COL14A1: variants seen among roughly 807,000 people sequenced by gnomAD.
COL14A1 encodes the protein collagen alpha-1(XIV) chain.
COL14A1 carries 136 observed loss-of-function variants against 230.3 expected under a neutral mutation model. The ratio of observed to expected loss-of-function variants is 0.59; its 90% CI spans 0.51 to 0.68. The LOEUF (loss-of-function observed/expected upper bound fraction) is 0.68. Ranked by LOEUF, COL14A1 falls within the 30% of genes least tolerant of loss-of-function variation. The probability of loss-of-function intolerance (pLI) is 0.00; values close to 1 mark genes in which losing one functional copy is unlikely to be tolerated. For missense variants in COL14A1, 1,976 were observed against 2,215.8 expected (o/e 0.89, Z 2.17); for synonymous variants, 792 against 784.1 (o/e 1.01, Z -0.17).
chr8:120,259,772 C>T (rs182655584), intron 23 of COL14A1, among the ~76,000 whole-genome samples: 21 of 152,172 alleles, frequency 1.4e-4, no homozygotes, highest in East Asian at 7.7e-4. Context: ...GGAGAGTCCC[C>T]GGAAGGTTTG....
chr8:120,286,357 C>A (rs1820202123), intron 33 of COL14A1, among the ~76,000 whole-genome samples: 1 of 152,120 alleles, frequency 6.6e-6, no homozygotes, highest in Admixed American at 6.5e-5. Flanking sequence ...TCAGCTGAAT[C>A]ATCTTAAAAT....
At chr8:120,293,056 T>C (rs1307686139) in intron 34 of COL14A1, among the ~76,000 whole-genome samples, 1 of 152,080 alleles carries the variant, frequency 6.6e-6, no homozygotes, top group Non-Finnish European at 1.5e-5. Flanking sequence ...TCCAAACTTT[T>C]TTCTCCTAAA....
At position 120,209,833 on chromosome 8, in the gene COL14A1, C is replaced by T; in HGVS notation, c.1399C>T (p.Pro467Ser). 1 of 1,613,800 alleles carries T rather than the reference C, an allele frequency of 6.2e-7. No individual in the cohort carries two copies. The highest frequency in any genetic ancestry group is 1.3e-5 in the African/African-American group (1 of 74,990). Residue 467 changes from proline (P) to serine (S), a missense_variant, in exon 12 of 48, where the codon CCT becomes TCT. Physicochemically the swap from Pro to Ser is moderately conservative, Grantham distance 74. This residue lies in a region of COL14A1 where 1,791 missense variants were observed against 2,019.5 expected (regional missense o/e 0.89). Transcript: ENST00000297848. Reference protein sequence around the residue: ...NSMRVKWDAVPGASGYLILYA... With the variant: ...NSMRVKWDAVSGASGYLILYA... ...CATGCGAGTCAAATGGGATGCAGTG[C>T]CTGGGGCCTCAGGTTACCTGATCCT...
intron 40 of COL14A1, among the ~76,000 whole-genome samples, chr8:120,320,759 C>A (rs1362976172): frequency 2.0e-5 from 3 of 152,102 alleles, no homozygotes; most frequent in Non-Finnish European, 2.9e-5. Flanking sequence ...CCCAAGAAAG[C>A]CTTTGCACAA....
At chr8:120,171,868 A>G (rs1180170327) in intron 5 of COL14A1, among the ~76,000 whole-genome samples, 1 of 152,114 alleles carries the variant, frequency 6.6e-6, no homozygotes, top group Non-Finnish European at 1.5e-5. Flanking sequence ...TAATAGTAAT[A>G]TTTTGTACCT....
chr8:120,199,113 C>A (rs1441157055), intron 7 of COL14A1, among the ~76,000 whole-genome samples: 4 of 152,132 alleles, frequency 2.6e-5, no homozygotes, highest in African/African-American at 7.2e-5. Context: ...AGGTTCAGAT[C>A]TGCTTGTACA....
Position 120,332,742 on chromosome 8 carries a change from A to T in COL14A1, c.4785+7A>T, listed in dbSNP as rs964467653. 1 of 1,610,416 alleles carries T rather than the reference A, an allele frequency of 6.2e-7. No homozygotes were observed. The highest frequency in any genetic ancestry group is 1.3e-5 in the African/African-American group (1 of 74,896). On this transcript the variant is annotated splice_region_variant and intron_variant, in intron 42 of 47. Transcript: ENST00000297848. ...AGGCGCCCTGGGACCACCTGTGAGT[A>T]TGCAGCGGTAGCTGCTCAGAATGTA...
chr8:120,284,362 T>C (rs1019689250), intron 32 of COL14A1, among the ~76,000 whole-genome samples: 2 of 152,222 alleles, frequency 1.3e-5, no homozygotes, highest in African/African-American at 4.8e-5. Flanking sequence ...GAAGAACCAA[T>C]GAAGGAAGCT....
At chr8:120,262,064 AGGGT>A (rs1238454010) in intron 23 of COL14A1, among the ~76,000 whole-genome samples, 1 of 152,154 alleles carries the variant, frequency 6.6e-6, no homozygotes, top group Non-Finnish European at 1.5e-5. Flanking sequence ...ACTGCCTAGA[AGGGT>A]GGTCTGTTGG....
chr8:120,240,824 A>G (rs1027007483), intron 19 of COL14A1, among the ~76,000 whole-genome samples: 1 of 152,196 alleles, frequency 6.6e-6, no homozygotes, highest in African/African-American at 2.4e-5. Context: ...TACATCTATC[A>G]AATACTTCTA....
At position 120,196,918 on chromosome 8, in the gene COL14A1, C is replaced by T. The variant is rs768183755; in HGVS notation, c.564C>T (p.Phe188=). ...RHFLENLVTA[F]DVGSEKTRIG... ...TCTTGGAAAACCTGGTTACAGCATT[C>T]GATGTGGGCTCAGAGAAGACACGAA... Residue 188 remains phenylalanine (F), a synonymous_variant, in exon 6 of 48, where the codon TTC becomes TTT. Coordinates refer to ENST00000297848, the MANE Select transcript of COL14A1 (RefSeq NM_021110.4). 3 of 1,613,854 alleles carry T rather than the reference C, an allele frequency of 1.9e-6. No individual in the cohort carries two copies. The highest frequency in any genetic ancestry group is 2.2e-5 in the East Asian group (1 of 44,866).
chr8:120,363,370 A>G (rs373983669), intron 45 of COL14A1, among the ~76,000 whole-genome samples: 3 of 152,258 alleles, frequency 2.0e-5, no homozygotes, highest in African/African-American at 7.2e-5. Flanking sequence ...AGTGGGAGCA[A>G]TGAGAACACA....
At chr8:120,268,673 T>G (rs1293337152) in intron 25 of COL14A1, among the ~76,000 whole-genome samples, 3 of 151,740 alleles carry the variant, frequency 2.0e-5, no homozygotes, top group Non-Finnish European at 4.4e-5. Context: ...ATACTAAATA[T>G]TTATTAAACG....
intron 14 of COL14A1, among the ~76,000 whole-genome samples, chr8:120,224,256 A>G (rs112217667): frequency 0.038 from 5,748 of 151,694 alleles, 159 homozygotes; most frequent in Middle Eastern, 0.092. Context: ...TGAACTCCCA[A>G]CCTCAAGTGA....
chr8:120,278,922 T>TA, intron 28 of COL14A1, among the ~76,000 whole-genome samples: 1 of 151,740 alleles, frequency 6.6e-6, no homozygotes, highest in South Asian at 2.1e-4. Context: ...GATGACAGAC[T>TA]GGATAAAGAA....
chr8:120,210,973 A>G (rs1427012137), intron 12 of COL14A1, among the ~76,000 whole-genome samples: 1 of 152,170 alleles, frequency 6.6e-6, no homozygotes, highest in Non-Finnish European at 1.5e-5. Context: ...GAAAGAGAAA[A>G]AAAAAAGGAA....
chr8:120,216,542 T>A (rs957590446), intron 14 of COL14A1, 52 bp downstream of exon 14: 1 of 1,552,740 alleles, frequency 6.4e-7, no homozygotes, highest in Non-Finnish European at 8.8e-7. Context: ...TGCTAGTTAT[T>A]TATGGCTACA....
chr8:120,208,486 G>A lies in COL14A1; in HGVS notation c.1321+125G>A, dbSNP rs943421350. 2.7e-5 allele frequency: 29 copies of A among 1,089,056 alleles called. No individual in the cohort carries two copies. The African/African-American group carries it at 3.7e-4, about 14-fold the overall frequency. 67.5% of individuals were successfully genotyped at this position (1,089,056 alleles called of 1,614,324 possible). ...TGAATCGAATTCAATCAAATTCATA[G>A]AAGACATTTGTCGTGCTATATGTGA... On this transcript the variant is annotated intron_variant, in intron 11 of 47. Transcript: ENST00000297848.
At chr8:120,168,293 T>C (rs770111532) in intron 5 of COL14A1, 46 bp downstream of exon 5, 48 of 1,374,264 alleles carry the variant, frequency 3.5e-5, no homozygotes, top group Non-Finnish European at 3.1e-6. Flanking sequence ...TGGGTTGTTT[T>C]AATTACACAG....
Sources: gnomAD v4.1 joint callset for allele counts (sites outside exome capture counted in the v4.1 genomes callset) on GRCh38, gnomAD v4.1.1 for gene constraint, gnomAD v4.1.1 regional missense constraint, MANE v1.5 for transcripts, NCBI Gene and HGNC (gene_info 2026-07-23, HGNC 2026-07-21) for gene names.